Variants in DIS3L2 observed in about 807,000 individuals in gnomAD.
DIS3L2 encodes the protein DIS3-like exonuclease 2.
A neutral mutation model predicts 97.5 loss-of-function variants in DIS3L2; 34 were observed. The observed-to-expected ratio is 0.35, with a 90% confidence interval of 0.27 to 0.46. The LOEUF (loss-of-function observed/expected upper bound fraction) is 0.46. Among genes scored for constraint, DIS3L2 ranks in the 20% least tolerant of loss-of-function variants. The pLI, the probability that DIS3L2 is intolerant of heterozygous loss-of-function variation, is 1.00. For missense variants in DIS3L2, 1,038 were observed against 1,146.0 expected, an observed-to-expected ratio of 0.91 and a Z score of 1.36; for synonymous variants, 435 against 445.2, an observed-to-expected ratio of 0.98 and a Z score of 0.29.
chr2:231,995,474 C>G (rs2106196353), intron 1 of DIS3L2, among the ~76,000 whole-genome samples: 1 of 152,128 alleles, frequency 6.6e-6, no homozygotes, highest in East Asian at 1.9e-4. Flanking sequence ...TGTATTTTTT[C>G]TAGCCTATTT....
chr2:232,114,953 T>C (rs945779231), intron 6 of DIS3L2, among the ~76,000 whole-genome samples: 1 of 152,204 alleles, frequency 6.6e-6, no homozygotes, highest in Non-Finnish European at 1.5e-5. Flanking sequence ...GTGGGGACTC[T>C]CTGCAGAGTC....
At position 232,077,957 on chromosome 2, in the gene DIS3L2, CTTTCTTTCTTT is replaced by C. The variant is rs1559602095; in HGVS notation, c.367-9529_367-9519del. On this transcript the variant is annotated intron_variant, in intron 5 of 20. Coordinates refer to ENST00000325385, the MANE Select transcript of DIS3L2 (RefSeq NM_152383.5). ...TCTTTCTTTCTTTTTCTTTCTTTCT[CTTTCTTTCTTT>C]CTTTCTTTCTTTCTTTCTTTCTTTC... Among the ~76,000 whole-genome samples the C allele has an allele frequency of 4.4e-3, 140 of 32,060 alleles. 1 individual carries two copies. Among genetic ancestry groups the C allele is most frequent in the Non-Finnish European group, 6.7e-3 (105 of 15,590 alleles). The allele number at this position is 32,060 out of a possible 152,430, so 21.0% of individuals were successfully genotyped here.
At chr2:232,326,895 G>T (rs1196635374) in intron 14 of DIS3L2, among the ~76,000 whole-genome samples, 2 of 152,238 alleles carry the variant, frequency 1.3e-5, no homozygotes, top group African/African-American at 4.8e-5. Context: ...GAGGGCAGAG[G>T]TGACTCCTGG....
At chr2:232,206,948 C>G (rs575082367) in intron 9 of DIS3L2, among the ~76,000 whole-genome samples, 1 of 152,282 alleles carries the variant, frequency 6.6e-6, no homozygotes, top group South Asian at 2.1e-4. Context: ...ATCATTCATG[C>G]ACTGGATCCA....
intron 9 of DIS3L2, among the ~76,000 whole-genome samples, chr2:232,170,669 A>G (rs1391834589): frequency 6.6e-6 from 1 of 152,218 alleles, no homozygotes; most frequent in African/African-American, 2.4e-5. Context: ...TAAACAGGAC[A>G]TTGTATTCAC....
At chr2:232,251,870 G>C (rs1007356591) in intron 12 of DIS3L2, among the ~76,000 whole-genome samples, 1 of 152,128 alleles carries the variant, frequency 6.6e-6, no homozygotes, top group African/African-American at 2.4e-5. Context: ...GACATACAAG[G>C]CTTCAACAAA....
intron 10 of DIS3L2, among the ~76,000 whole-genome samples, chr2:232,221,101 C>CAAAAAAA (rs373784144): frequency 1.0e-5 from 1 of 97,590 alleles, no homozygotes; most frequent in African/African-American, 4.1e-5. Flanking sequence ...GACTTCATCT[C>CAAAAAAA]AAAAAAAAAA....
At chr2:232,205,311 A>G (rs979967932) in intron 9 of DIS3L2, among the ~76,000 whole-genome samples, 17 of 151,084 alleles carry the variant, frequency 1.1e-4, no homozygotes, top group Admixed American at 6.6e-4. Flanking sequence ...GCTAGAGTGC[A>G]GTGTCGTGAT....
intron 5 of DIS3L2, among the ~76,000 whole-genome samples, chr2:232,077,381 C>T (rs75588272): frequency 3.7e-3 from 555 of 150,452 alleles, no homozygotes; most frequent in Non-Finnish European, 5.5e-3. Flanking sequence ...ACACAAGTTT[C>T]TGTGTGTGTG....
chr2:232,226,909 G>A (rs1692664978), intron 10 of DIS3L2, among the ~76,000 whole-genome samples: 2 of 152,130 alleles, frequency 1.3e-5, no homozygotes, highest in Admixed American at 6.6e-5. Flanking sequence ...GGTGGAAGCT[G>A]CAGTGGGCCA....
chr2:231,973,767 A>G (rs1692992130), intron 1 of DIS3L2, among the ~76,000 whole-genome samples: 2 of 152,192 alleles, frequency 1.3e-5, no homozygotes. Flanking sequence ...GATTACTCCT[A>G]TATCTCACTG....
intron 1 of DIS3L2, among the ~76,000 whole-genome samples, chr2:232,000,472 A>G (rs1205211190): frequency 6.6e-6 from 1 of 151,868 alleles, no homozygotes; most frequent in African/African-American, 2.4e-5. Context: ...TATCTGTTCA[A>G]CTTTTTTACA....
chr2:232,080,366 C>T (rs1206881261), intron 5 of DIS3L2, among the ~76,000 whole-genome samples: 1 of 152,070 alleles, frequency 6.6e-6, no homozygotes, highest in African/African-American at 2.4e-5. Context: ...TTGAGCTAGG[C>T]ACTTAACTTT....
chr2:232,160,231 C>G (rs1690610879), intron 8 of DIS3L2, among the ~76,000 whole-genome samples: 1 of 152,076 alleles, frequency 6.6e-6, no homozygotes, highest in East Asian at 1.9e-4. Context: ...ACCAGTGAAG[C>G]CATCTGGGTC....
At chr2:232,011,716 C>T (rs1694205837) in intron 1 of DIS3L2, among the ~76,000 whole-genome samples, 1 of 151,970 alleles carries the variant, frequency 6.6e-6, no homozygotes, top group African/African-American at 2.4e-5. Context: ...AGTGCACAGT[C>T]TCGGCTCACT....
intron 3 of DIS3L2, among the ~76,000 whole-genome samples, chr2:232,017,910 G>T (rs1042637874): frequency 1.3e-5 from 2 of 152,066 alleles, no homozygotes; most frequent in African/African-American, 2.4e-5. Context: ...CCATTTCTTG[G>T]CTTTTATGTT....
At chr2:232,299,998 C>A in intron 13 of DIS3L2, 42 bp from the exon 14 acceptor site, 2 of 1,572,838 alleles carry the variant, frequency 1.3e-6, no homozygotes, top group Non-Finnish European at 8.7e-7. Flanking sequence ...ATGAATAGAG[C>A]ATGCTGCCTA....
chr2:232,004,109 G>C (rs1307052597), intron 1 of DIS3L2, among the ~76,000 whole-genome samples: 1 of 151,988 alleles, frequency 6.6e-6, no homozygotes, highest in Admixed American at 6.6e-5. Flanking sequence ...GTCTTGCTCT[G>C]TTTCCTAGGC....
At chr2:232,068,336 C>T (rs1695907343) in intron 5 of DIS3L2, among the ~76,000 whole-genome samples, 1 of 150,914 alleles carries the variant, frequency 6.6e-6, no homozygotes, top group African/African-American at 2.4e-5. Flanking sequence ...CTTTGGGAGG[C>T]CAAGGCAGGA....
Sources: gnomAD v4.1 joint callset for allele counts (sites outside exome capture counted in the v4.1 genomes callset) on GRCh38, gnomAD v4.1.1 for gene constraint, MANE v1.5 for transcripts, NCBI Gene and HGNC (gene_info 2026-07-23, HGNC 2026-07-21) for gene names.